The following SLC22A25 variants were observed in gnomAD, a reference collection of about 807,000 sequenced individuals.
The protein encoded by SLC22A25 is MGI:2442751, MGI:2385316, MGI:3042283, MGI:3645714, MGI:3605624, MGI:2442750.
Under a neutral mutation model 45.9 loss-of-function variants are expected in SLC22A25, and 44 were observed. The observed-to-expected ratio is 0.96, with a 90% confidence interval of 0.75 to 1.23. The LOEUF (loss-of-function observed/expected upper bound fraction) is 1.23. Among genes scored for constraint, SLC22A25 ranks in the 50% most tolerant of loss-of-function variants. The probability of loss-of-function intolerance (pLI) is 0.00; values close to 1 mark genes in which losing one functional copy is unlikely to be tolerated. For missense variants in SLC22A25, 800 were observed against 666.4 expected (o/e 1.20, Z -2.21); for synonymous variants, 283 against 238.6 (o/e 1.19, Z -1.72).
At chr11:63,182,978 C>T (rs1331017771) in intron 8 of SLC22A25, among the ~76,000 whole-genome samples, 2 of 152,096 alleles carry the variant, frequency 1.3e-5, no homozygotes, top group Non-Finnish European at 2.9e-5. Flanking sequence ...AAAGTAAAAG[C>T]TCCATTCAGG....
intron 9 of SLC22A25, among the ~76,000 whole-genome samples, chr11:63,177,225 T>G (rs1397015875): frequency 6.6e-6 from 1 of 152,024 alleles, no homozygotes; most frequent in African/African-American, 2.4e-5. Flanking sequence ...AAATTTTTAA[T>G]GTTTATGGAT....
chr11:63,229,707 T>G lies in SLC22A25; in HGVS notation c.-55A>C. 6.5e-7 allele frequency: 1 copy of G among 1,527,856 alleles called. No individual in the cohort carries two copies. Among genetic ancestry groups the G allele is most frequent in the Non-Finnish European group, 8.9e-7 (1 of 1,126,876 alleles). The allele number at this position is 1,527,856 out of a possible 1,614,324, so 94.6% of individuals were successfully genotyped here. A position where few individuals can be genotyped will look rare whatever the true frequency, so the allele number is the denominator to read the frequency against. On this transcript the variant is annotated 5_prime_UTR_variant, in exon 4 of 12. Coordinates refer to ENST00000306494, the MANE Select transcript of SLC22A25 (RefSeq NM_199352.6). ...GACAAAATGACTGTATCCAGATAAG[T>G]TCAAAGAGAAAATATTTCCTTTCCT...
chr11:63,169,288 C>A (rs899344641), intron 9 of SLC22A25, among the ~76,000 whole-genome samples: 2 of 152,164 alleles, frequency 1.3e-5, no homozygotes, highest in Non-Finnish European at 2.9e-5. Flanking sequence ...CAGCTAACAT[C>A]ATGATGACAG....
At chr11:63,234,722 G>C (rs893639403) in intron 3 of SLC22A25, among the ~76,000 whole-genome samples, 3 of 152,088 alleles carry the variant, frequency 2.0e-5, no homozygotes, top group African/African-American at 4.8e-5. Flanking sequence ...GATGCAGTTT[G>C]TTCCTAGCCT....
At chr11:63,191,959 A>T (rs2088831403) in intron 7 of SLC22A25, among the ~76,000 whole-genome samples, 2 of 141,896 alleles carry the variant, frequency 1.4e-5, no homozygotes, top group Non-Finnish European at 2.9e-5. Flanking sequence ...ATTCAAATTC[A>T]GGAAATGCAG....
At chr11:63,192,520 C>A (rs1355299834) in intron 7 of SLC22A25, among the ~76,000 whole-genome samples, 2 of 151,978 alleles carry the variant, frequency 1.3e-5, no homozygotes, top group African/African-American at 4.8e-5. Flanking sequence ...AGCTAAATGC[C>A]CCAGTTAAAA....
chr11:63,164,525 C>T lies in SLC22A25; in HGVS notation c.1394+1G>A, dbSNP rs763766138. On this transcript the variant is annotated splice_donor_variant, in intron 11 of 11. Coordinates refer to ENST00000306494, the MANE Select transcript of SLC22A25 (RefSeq NM_199352.6). LOFTEE classifies it high-confidence loss of function. ...GACAGAGCACACATAAACTTTTGTA[C>T]CTGATTATGGAAGGAATTAGTTCAT... 2.5e-5 allele frequency: 41 copies of T among 1,612,158 alleles called. 1 individual carries two copies. The highest frequency in any genetic ancestry group is 1.6e-4 in the Middle Eastern group (1 of 6,076).
chr11:63,172,767 G>A (rs2087936420), intron 9 of SLC22A25, among the ~76,000 whole-genome samples: 1 of 151,862 alleles, frequency 6.6e-6, no homozygotes, highest in African/African-American at 2.4e-5. Context: ...TACACTGTTG[G>A]TGGGAGTGTA....
chr11:63,172,867 G>A (rs918813206), intron 9 of SLC22A25, among the ~76,000 whole-genome samples: 7 of 152,000 alleles, frequency 4.6e-5, no homozygotes, highest in African/African-American at 1.7e-4. Context: ...CAATTACTGG[G>A]TATATTATTC....
rs2090024184 is a variant in SLC22A25 at position 63,229,320 on chromosome 11, T to C, written c.333A>G (p.Pro111=). 1 of 1,610,728 alleles carries C rather than the reference T, an allele frequency of 6.2e-7. No homozygotes were observed. Among genetic ancestry groups the C allele is most frequent in the Admixed American group, 1.7e-5 (1 of 59,886 alleles). ...LNGTFPNTSE[P]DTEPCVDGWV... Reference sequence around the variant, plus strand: ...AGCCATCCACACAGGGCTCTGTATCTGGCTCACTCGTGTTGGGGAAGGTCC... The same window carrying C: ...AGCCATCCACACAGGGCTCTGTATCCGGCTCACTCGTGTTGGGGAAGGTCC... The change falls in exon 4 of 12, where the codon CCA becomes CCG. Residue 111 remains proline (P), a synonymous_variant. Coordinates refer to ENST00000306494, the MANE Select transcript of SLC22A25 (RefSeq NM_199352.6).
intron 5 of SLC22A25, chr11:63,218,339 G>A (rs1026793568): frequency 4.0e-6 from 1 of 251,740 alleles, no homozygotes; most frequent in Non-Finnish European, 7.8e-6. Flanking sequence ...TAGATGCTGG[G>A]GACTACAAGA....
At chr11:63,235,433 G>A (rs564449608) in intron 3 of SLC22A25, among the ~76,000 whole-genome samples, 4 of 151,948 alleles carry the variant, frequency 2.6e-5, no homozygotes, top group South Asian at 2.1e-4. Flanking sequence ...CCAGTTGATC[G>A]CATTGTTTAC....
chr11:63,161,174 C>A lies in SLC22A25; in HGVS notation c.*2650G>T, dbSNP rs1294171670. ...TACAGCCTCATCCTTTTGTTTTGGT[C>A]AATTTCTCCCATTTGGAATGGATGT... On this transcript the variant is annotated 3_prime_UTR_variant, in exon 12 of 12. Coordinates refer to ENST00000306494, the MANE Select transcript of SLC22A25 (RefSeq NM_199352.6). Among the ~76,000 whole-genome samples the A allele has an allele frequency of 2.0e-5, 3 of 152,066 alleles. No individual in the cohort carries two copies. Among genetic ancestry groups the A allele is most frequent in the Non-Finnish European group, 4.4e-5 (3 of 68,022 alleles).
At chr11:63,220,182 T>C in intron 5 of SLC22A25, 1 of 380,406 alleles carries the variant, frequency 2.6e-6, no homozygotes, top group South Asian at 2.1e-5. Context: ...AAATCAAGAA[T>C]CCAGGCATGA....
intron 10 of SLC22A25, 126 bp from the exon 11 acceptor site, chr11:63,164,760 G>T: frequency 2.9e-6 from 2 of 695,574 alleles, no homozygotes; most frequent in Non-Finnish European, 5.0e-6. Flanking sequence ...TAGGAAAACT[G>T]CATAGAGGCA....
In SLC22A25 at chr11:63,238,959, G is replaced by A. The variant is rs2090206181; in HGVS notation, c.-819C>T. 1.1e-5 allele frequency: 2 copies of A among 183,010 alleles called. No homozygotes were observed. The highest frequency in any genetic ancestry group is 2.6e-4 in the South Asian group (2 of 7,786). The allele number at this position is 183,010 out of a possible 1,614,324, so 11.3% of individuals were successfully genotyped here. The stretch of plus-strand genomic sequence containing the variant: ...CGTCCAAGACGATGACATTGTCTAT[G>A]ATGTGCACCTAGCAGTGGTGACCAG... On this transcript the variant is annotated 5_prime_UTR_variant, in exon 2 of 12. Transcript: ENST00000306494.
At chr11:63,176,407 T>A (rs1390311750) in intron 9 of SLC22A25, among the ~76,000 whole-genome samples, 1 of 151,560 alleles carries the variant, frequency 6.6e-6, no homozygotes, top group Non-Finnish European at 1.5e-5. Flanking sequence ...TAGTTTTCAG[T>A]GTACAAGTCT....
chr11:63,242,451 A>G (rs914682036), intron 1 of SLC22A25, among the ~76,000 whole-genome samples: 1 of 152,216 alleles, frequency 6.6e-6, no homozygotes, highest in Non-Finnish European at 1.5e-5. Context: ...CCCATCTAAG[A>G]ATAGTGTCAT....
At chr11:63,195,035 G>T (rs1176456922) in intron 7 of SLC22A25, among the ~76,000 whole-genome samples, 3 of 150,498 alleles carry the variant, frequency 2.0e-5, no homozygotes, top group East Asian at 1.9e-4. Flanking sequence ...AGGGATCAAT[G>T]CAACAAGAAG....
Sources: allele counts gnomAD v4.1 joint callset (sites outside exome capture counted in the v4.1 genomes callset), GRCh38; gene constraint gnomAD v4.1.1; transcripts MANE v1.5; gene names NCBI Gene and HGNC (gene_info 2026-07-23, HGNC 2026-07-21).